Variants in RBFOX1 observed in about 807,000 individuals in gnomAD.
RBFOX1 encodes the protein RNA binding protein fox-1 homolog 1.
RBFOX1 carries 8 observed loss-of-function variants against 57.7 expected under a neutral mutation model. The observed-to-expected ratio is 0.14, with a 90% CI of 0.08 to 0.25. RBFOX1 has a LOEUF of 0.25. RBFOX1 is among the 10% of genes least tolerant of loss of function. The pLI is 1.00. For synonymous variants in RBFOX1, 326 were observed against 222.4 expected, an observed-to-expected ratio of 1.47 and a Z score of -4.15; for missense variants, 611 against 548.5, an observed-to-expected ratio of 1.11 and a Z score of -1.14.
intron 3 of RBFOX1, among the ~76,000 whole-genome samples, chr16:6,886,044 C>A (rs951158838): frequency 2.6e-5 from 4 of 151,300 alleles, no homozygotes; most frequent in African/African-American, 7.3e-5. Context: ...TGTTGACTGT[C>A]CAGTGAAAGT....
At chr16:6,017,126 A>C (rs186318970), upstream of RBFOX1, among the ~76,000 whole-genome samples, 2 of 152,342 alleles carry the variant, frequency 1.3e-5, no homozygotes, top group African/African-American at 2.4e-5. Flanking sequence ...ATATGTATTA[A>C]AAATAATCAA....
intron 1 of RBFOX1, among the ~76,000 whole-genome samples, chr16:6,162,055 C>T (rs759732656): frequency 4.6e-5 from 7 of 152,292 alleles, no homozygotes; most frequent in East Asian, 1.9e-4. Flanking sequence ...GGAAAGAAAA[C>T]GCCTTTTCTA....
chr16:5,873,232 T>C (rs182172947), intron 4 of RBFOX1, among the ~76,000 whole-genome samples: 40 of 152,336 alleles, frequency 2.6e-4, no homozygotes, highest in Middle Eastern at 6.8e-3. Flanking sequence ...TCGAGACCTG[T>C]TGTTTTGAAA....
At chr16:6,286,184 G>C (rs2880916) in intron 1 of RBFOX1, among the ~76,000 whole-genome samples, 123,382 of 152,166 alleles carry the variant, frequency 0.81, 50,174 homozygotes, top group East Asian at 0.99. Context: ...CGACTGACAT[G>C]AAAGTCATGG....
intron 3 of RBFOX1, among the ~76,000 whole-genome samples, chr16:6,678,410 C>T (rs755801672): frequency 4.5e-4 from 68 of 151,908 alleles, no homozygotes; most frequent in Non-Finnish European, 7.4e-4. Context: ...AGGCATGAGC[C>T]GCTGCACCTG....
intron 1 of RBFOX1, among the ~76,000 whole-genome samples, chr16:6,254,046 C>T (rs540442648): frequency 6.6e-6 from 1 of 152,246 alleles, no homozygotes; most frequent in East Asian, 1.9e-4. Flanking sequence ...CTGATACAGC[C>T]TGTGTGACAT....
At position 5,402,505 on chromosome 16, in the gene RBFOX1, A is replaced by G. The variant is rs568800971; in HGVS notation, c.220-64711A>G. On this transcript the variant is annotated intron_variant, in intron 1 of 2. Coordinates refer to the RBFOX1 transcript ENST00000585867. ...GTATTTGTCAGCATAGCCAGAAACA[A>G]TGGAGGCTACTGTCTTCCTTTTGTT... 9.2e-5 allele frequency among the ~76,000 whole-genome samples: 14 copies of G among 152,312 alleles called. No individual in the cohort carries two copies. The South Asian group carries it at 1.9e-3, about 20-fold the overall frequency.
At chr16:6,077,127 G>T (rs74004721) in intron 1 of RBFOX1, among the ~76,000 whole-genome samples, 57,671 of 151,842 alleles carry the variant, frequency 0.38, 12,072 homozygotes, top group Non-Finnish European at 0.49. Context: ...TGGGGATGAC[G>T]ACTTTAAATA....
chr16:5,871,194 A>G (rs936793841), intron 4 of RBFOX1, among the ~76,000 whole-genome samples: 6 of 152,216 alleles, frequency 3.9e-5, no homozygotes, highest in African/African-American at 1.4e-4. Flanking sequence ...CTGTAGAGGA[A>G]AGAGCTTTAT....
At chr16:5,526,139 G>C (rs931320282) in intron 2 of RBFOX1, among the ~76,000 whole-genome samples, 3 of 152,006 alleles carry the variant, frequency 2.0e-5, no homozygotes, top group Non-Finnish European at 1.5e-5. Context: ...CCTCTGTCTC[G>C]AGAGTGACTT....
rs5815292 is a variant in RBFOX1, at chr16:6,220,728, C to CG, written c.-126-96267_-126-96266insG. Among the ~76,000 whole-genome samples the CG allele has an allele frequency of 1.7e-3, 206 of 119,174 alleles. 2 individuals carry two copies. Among genetic ancestry groups the CG allele is most frequent in the Non-Finnish European group, 2.2e-3 (118 of 53,488 alleles). 78.2% of individuals were successfully genotyped at this position (119,174 alleles called of 152,430 possible). A position where few individuals can be genotyped will look rare whatever the true frequency, so the allele number is the denominator to read the frequency against. On this transcript the variant is annotated intron_variant, in intron 1 of 15. Transcript: ENST00000550418. Reference sequence around the variant, plus strand: ...GATAATGCTATGACTAACCGCCCCCCCCCAGTGGAAAATAATGAAGAAAAC... The same window carrying CG: ...GATAATGCTATGACTAACCGCCCCCCGCCCAGTGGAAAATAATGAAGAAAAC...
At chr16:6,387,222 C>A (rs934847518) in intron 2 of RBFOX1, among the ~76,000 whole-genome samples, 7 of 152,116 alleles carry the variant, frequency 4.6e-5, no homozygotes, top group Non-Finnish European at 8.8e-5. Flanking sequence ...TCACTTACAG[C>A]CTTCATCACA....
At chr16:6,481,370 G>T (rs1234156187) in intron 2 of RBFOX1, among the ~76,000 whole-genome samples, 1 of 152,194 alleles carries the variant, frequency 6.6e-6, no homozygotes, top group East Asian at 1.9e-4. Context: ...ACCAGGTCTG[G>T]CAACATCTGC....
chr16:5,898,385 A>T (rs1224370067), intron 4 of RBFOX1, among the ~76,000 whole-genome samples: 1 of 152,136 alleles, frequency 6.6e-6, no homozygotes, highest in Admixed American at 6.5e-5. Flanking sequence ...GGAGGACATG[A>T]CCCAGAAGAT....
intron 1 of RBFOX1, among the ~76,000 whole-genome samples, chr16:6,288,191 A>G (rs1463468549): frequency 6.6e-6 from 1 of 151,812 alleles, no homozygotes; most frequent in East Asian, 2.0e-4. Context: ...GTTGAAATTT[A>G]TGGAGAAAAT....
chr16:6,393,798 C>T (rs1016148865), intron 2 of RBFOX1, among the ~76,000 whole-genome samples: 3 of 152,060 alleles, frequency 2.0e-5, no homozygotes, highest in Non-Finnish European at 1.5e-5. Flanking sequence ...TATGGGTGAC[C>T]AATTAATTCA....
chr16:7,116,529 T>C (rs1599939671), intron 4 of RBFOX1, among the ~76,000 whole-genome samples: 1 of 152,204 alleles, frequency 6.6e-6, no homozygotes, highest in Non-Finnish European at 1.5e-5. Context: ...GATTTGTCTC[T>C]GCTCCAGCTT....
intron 4 of RBFOX1, among the ~76,000 whole-genome samples, chr16:7,175,892 G>A (rs542705189): frequency 6.6e-6 from 1 of 152,224 alleles, no homozygotes; most frequent in East Asian, 1.9e-4. Context: ...AGCCCTCTGA[G>A]CATATAAAGG....
intron 2 of RBFOX1, among the ~76,000 whole-genome samples, chr16:6,433,797 T>C (rs1372580409): frequency 2.0e-5 from 3 of 151,268 alleles, no homozygotes; most frequent in Admixed American, 2.0e-4. Flanking sequence ...CAACCTCTGC[T>C]CCATCATCAC....
Sources: gnomAD v4.1 joint callset for allele counts (sites outside exome capture counted in the v4.1 genomes callset) on GRCh38, gnomAD v4.1.1 for gene constraint, MANE v1.5 for transcripts, NCBI Gene and HGNC (gene_info 2026-07-23, HGNC 2026-07-21) for gene names.